Variants in TRAPPC9 observed in about 807,000 individuals in gnomAD.
The protein encoded by TRAPPC9 is IKK2 binding protein.
TRAPPC9 carries 83 observed loss-of-function variants against 124.0 expected under a neutral mutation model. The ratio of observed to expected loss-of-function variants is 0.67; its 90% CI spans 0.56 to 0.80. TRAPPC9 has a LOEUF of 0.80. TRAPPC9 is among the 30% of genes least tolerant of loss of function. The pLI is 0.00. For missense variants in TRAPPC9, 1,302 were observed against 1,508.3 expected, an observed-to-expected ratio of 0.86 and a Z score of 2.27; for synonymous variants, 638 against 617.5, an observed-to-expected ratio of 1.03 and a Z score of -0.49.
chr8:139,997,142 T>C (rs1838052733), intron 18 of TRAPPC9, among the ~76,000 whole-genome samples: 1 of 152,098 alleles, frequency 6.6e-6, no homozygotes, highest in South Asian at 2.1e-4. Flanking sequence ...GAGCAAACAA[T>C]ACATCCTGCA....
chr8:140,381,315 G>A (rs1019760350), intron 7 of TRAPPC9, among the ~76,000 whole-genome samples: 4 of 151,948 alleles, frequency 2.6e-5, no homozygotes, highest in Admixed American at 2.0e-4. Context: ...CTAGTATCCA[G>A]AATATATAAT....
At chr8:139,879,839 G>GGTGGGGTT (rs1192020778) in intron 21 of TRAPPC9, among the ~76,000 whole-genome samples, 1 of 152,230 alleles carries the variant, frequency 6.6e-6, no homozygotes, top group Non-Finnish European at 1.5e-5. Context: ...ATCCCTGCAA[G>GGTGGGGTT]GTGGGTGAGT....
intron 21 of TRAPPC9, among the ~76,000 whole-genome samples, chr8:139,752,310 TCCAC>T (rs1563785486): frequency 7.1e-6 from 1 of 141,744 alleles, no homozygotes; most frequent in African/African-American, 2.7e-5. Context: ...CATCCATCCA[TCCAC>T]CCATCTACCA....
intron 5 of TRAPPC9, among the ~76,000 whole-genome samples, chr8:140,421,459 A>G (rs904179547): frequency 5.3e-5 from 8 of 152,146 alleles, no homozygotes; most frequent in African/African-American, 1.9e-4. Flanking sequence ...ATACCTTTGT[A>G]TGTTTTTGTT....
chr8:139,788,411 G>A lies in TRAPPC9; in HGVS notation c.3056-56209C>T, dbSNP rs1473391462. Among the ~76,000 whole-genome samples the A allele has an allele frequency of 6.6e-6, 1 of 152,242 alleles. No individual in the cohort carries two copies. The highest frequency in any genetic ancestry group is 1.5e-5 in the Non-Finnish European group (1 of 68,044). On this transcript the variant is annotated intron_variant, in intron 21 of 22. Transcript: ENST00000438773. This position sits in a 1 kb window ranked among gnomAD's most constrained non-coding sequence, Gnocchi z 4.9. ...GTCAAAACTGTTAACTATCAGGCAGGGCAAGGATGGCGGCTGCTGGGGAGG... is the reference window on the plus strand; with the variant it reads ...GTCAAAACTGTTAACTATCAGGCAGAGCAAGGATGGCGGCTGCTGGGGAGG...
In TRAPPC9 at chr8:139,802,755, A is replaced by G. The variant is rs531622176; in HGVS notation, c.3056-70553T>C. 2.0e-4 allele frequency among the ~76,000 whole-genome samples: 30 copies of G among 152,338 alleles called. 1 individual carries two copies. In the South Asian group the frequency reaches 6.2e-3, roughly 32 times the overall value. On this transcript the variant is annotated intron_variant, in intron 21 of 22. Coordinates refer to ENST00000438773, the MANE Select transcript of TRAPPC9 (RefSeq NM_001160372.4). ...ATTCTGTTTGGAAAAAGTGACTGTC[A>G]GTGCCTCTAGGCTCTGATTTGAGAA...
chr8:140,401,228 C>A (rs1395664295), intron 6 of TRAPPC9, among the ~76,000 whole-genome samples: 1 of 152,206 alleles, frequency 6.6e-6, no homozygotes, highest in East Asian at 1.9e-4. Context: ...GGTTATCTTT[C>A]TCACTAAAAT....
chr8:140,316,902 G>A (rs754873351), intron 9 of TRAPPC9, among the ~76,000 whole-genome samples: 6 of 152,044 alleles, frequency 3.9e-5, no homozygotes, highest in East Asian at 1.9e-4. Context: ...TTTCTTATTC[G>A]TTTTTGGTCG....
chr8:140,123,949 C>A (rs559707904), intron 17 of TRAPPC9, among the ~76,000 whole-genome samples: 7 of 152,344 alleles, frequency 4.6e-5, no homozygotes, highest in African/African-American at 1.7e-4. Flanking sequence ...CATTTCTTCA[C>A]TGGACAGGCT....
chr8:139,732,848 G>A (rs1388746961), intron 21 of TRAPPC9, among the ~76,000 whole-genome samples: 2 of 149,666 alleles, frequency 1.3e-5, no homozygotes, highest in Admixed American at 6.6e-5. Flanking sequence ...CGTGGACCCT[G>A]CCAGGCAGGG....
At position 140,257,937 on chromosome 8, in the gene TRAPPC9, T is replaced by A. The variant is rs2064307580; in HGVS notation, c.2279-5008A>T. 6.6e-6 allele frequency among the ~76,000 whole-genome samples: 1 copy of A among 152,208 alleles called. No individual in the cohort carries two copies. Among genetic ancestry groups the A allele is most frequent in the African/African-American group, 2.4e-5 (1 of 41,454 alleles). ...ACTGCATCACTGTCCTTTGGCAAAG[T>A]AAGTAGTCATTCTTCAGATAAATAT... On this transcript the variant is annotated intron_variant, in intron 15 of 22. Coordinates refer to ENST00000438773, the MANE Select transcript of TRAPPC9 (RefSeq NM_001160372.4). This position sits in a 1 kb window ranked among gnomAD's most constrained non-coding sequence, Gnocchi z 4.6.
At chr8:140,350,669 G>A (rs1356670173) in intron 9 of TRAPPC9, among the ~76,000 whole-genome samples, 1 of 152,138 alleles carries the variant, frequency 6.6e-6, no homozygotes, top group Non-Finnish European at 1.5e-5. Flanking sequence ...GAGCCCTCAT[G>A]CAGAAGCGCA....
At chr8:139,871,631 CA>C (rs977708678) in intron 21 of TRAPPC9, among the ~76,000 whole-genome samples, 1 of 152,098 alleles carries the variant, frequency 6.6e-6, no homozygotes, top group Non-Finnish European at 1.5e-5. Context: ...ATTACCCTTC[CA>C]AAAAAAGATG....
chr8:140,211,227 T>C (rs1046760050), intron 17 of TRAPPC9, among the ~76,000 whole-genome samples: 2 of 152,144 alleles, frequency 1.3e-5, no homozygotes, highest in Non-Finnish European at 2.9e-5. Context: ...ACCACATCTC[T>C]ACAACAAATT....
rs79026770 is a variant in TRAPPC9 at position 139,935,416 on chromosome 8, G to A, written c.2811-25116C>T. Among the ~76,000 whole-genome samples, 136 of 152,220 alleles carry A rather than the reference G, an allele frequency of 8.9e-4. 1 individual carries two copies. The East Asian group carries it at 0.023, about 25-fold the overall frequency. On this transcript the variant is annotated intron_variant, in intron 19 of 22. Transcript: ENST00000438773. ...CCTCATCTATAAAATAAGAAAAAACGTCTATCCCATGACGTTCTTACAGGA... is the reference window on the plus strand; with the variant it reads ...CCTCATCTATAAAATAAGAAAAAACATCTATCCCATGACGTTCTTACAGGA...
At chr8:140,170,267 A>G (rs58089531) in intron 17 of TRAPPC9, among the ~76,000 whole-genome samples, 3,308 of 152,234 alleles carry the variant, frequency 0.022, 118 homozygotes, top group African/African-American at 0.074. Flanking sequence ...GTTGGATGCT[A>G]TGCTAGGCAC....
intron 17 of TRAPPC9, among the ~76,000 whole-genome samples, chr8:140,184,848 G>A (rs2131037319): frequency 6.6e-6 from 1 of 152,234 alleles, no homozygotes; most frequent in Non-Finnish European, 1.5e-5. Flanking sequence ...GCTGGAAAAA[G>A]AACATGCCTG....
chr8:140,276,433 GT>G (rs1036867579), intron 14 of TRAPPC9, among the ~76,000 whole-genome samples: 2 of 152,174 alleles, frequency 1.3e-5, no homozygotes, highest in Non-Finnish European at 2.9e-5. Context: ...CCTCACACCA[GT>G]CAGGTGAGGC....
chr8:140,021,246 G>A (rs1839820707), intron 18 of TRAPPC9, among the ~76,000 whole-genome samples: 3 of 151,946 alleles, frequency 2.0e-5, no homozygotes, highest in South Asian at 4.1e-4. Context: ...TCCATTTTAT[G>A]TCTTCTGGCT....
Sources: allele counts gnomAD v4.1 joint callset (sites outside exome capture counted in the v4.1 genomes callset), GRCh38; gene constraint gnomAD v4.1.1; non-coding constraint Gnocchi (gnomAD v3.1); transcripts MANE v1.5; gene names NCBI Gene and HGNC (gene_info 2026-07-23, HGNC 2026-07-21).